Variants in PDCD7 observed in about 807,000 individuals in gnomAD.
PDCD7 encodes the protein programmed cell death protein 7.
In PDCD7, 40 loss-of-function variants were observed where a neutral mutation model predicts 42.1. That is an observed-to-expected ratio of 0.95 (90% confidence interval 0.74 to 1.24). PDCD7 has a LOEUF of 1.24. Ranked by LOEUF, PDCD7 falls within the 50% of genes most tolerant of loss-of-function variation. The pLI is 0.00. For missense variants in PDCD7, 644 were observed against 662.8 expected (o/e 0.97, Z 0.31); for synonymous variants, 299 against 303.3 (o/e 0.99, Z 0.15).
At chr15:65,132,835 T>C (rs752613445) in intron 1 of PDCD7, 77 bp downstream of exon 1, 81 of 1,577,210 alleles carry the variant, frequency 5.1e-5, no homozygotes, top group Non-Finnish European at 2.3e-5. Context: ...CCCTGGGAAA[T>C]GGAAGTTTAA....
rs1193424367 is a variant in PDCD7 at position 65,119,774 on chromosome 15, T to G, written c.1190A>C (p.Lys397Thr). ...RELEKKQRKE[K>T]EKILLQKREI... ...ACGTTTCTGAAGTAAAATTTTCTCT[T>G]TTTCTTTTCTTTGTTTCTTTTCTAA... Residue 397 changes from lysine (K) to threonine (T), a missense_variant, in exon 3 of 5, where the codon AAA becomes ACA. Transcript: ENST00000204549. 1.2e-6 allele frequency: 2 copies of G among 1,612,184 alleles called. No homozygotes were observed. The highest frequency in any genetic ancestry group is 1.3e-5 in the African/African-American group (1 of 74,654).
intron 2 of PDCD7, among the ~76,000 whole-genome samples, chr15:65,125,532 C>T (rs887783118): frequency 6.6e-6 from 1 of 152,204 alleles, no homozygotes; most frequent in Non-Finnish European, 1.5e-5. Context: ...CACTGAAATG[C>T]CCCTAGCATA....
intron 1 of PDCD7, among the ~76,000 whole-genome samples, chr15:65,130,966 A>G (rs983113731): frequency 5.3e-5 from 8 of 151,992 alleles, no homozygotes; most frequent in African/African-American, 1.9e-4. Flanking sequence ...AACACACACC[A>G]CGCTATACTG....
At position 65,132,769 on chromosome 15, in the gene PDCD7, G is replaced by C. The variant is rs193199407; in HGVS notation, c.870+143C>G. 9.9e-4 allele frequency: 1,209 copies of C among 1,219,316 alleles called. 6 individuals are homozygous for C. Among genetic ancestry groups the C allele is most frequent in the South Asian group, 3.4e-3 (221 of 65,822 alleles). The allele number at this position is 1,219,316 out of a possible 1,614,324, so 75.5% of individuals were successfully genotyped here. ...TCATTAACACAAAATTAACATGGTG[G>C]TATGAGCTGGGAAGGTTAGCTATCG... On this transcript the variant is annotated intron_variant, in intron 1 of 4. Transcript: ENST00000204549.
chr15:65,133,272 G>A lies in PDCD7; in HGVS notation c.510C>T (p.Ser170=), dbSNP rs1381953313. 1 of 1,328,146 alleles carries A rather than the reference G, an allele frequency of 7.5e-7. No individual in the cohort carries two copies. The highest frequency in any genetic ancestry group is 1.5e-5 in the African/African-American group (1 of 64,966). 82.3% of individuals were successfully genotyped at this position (1,328,146 alleles called of 1,614,324 possible). The change falls in exon 1 of 5, where the codon AGC becomes AGT. Residue 170 remains serine, a synonymous_variant. Transcript: ENST00000204549. ...GCAATCGCGCGCGCACTTCGCCAAG[G>A]CTGGGCCCGGCATGCGTGCGCTGGG... is the stretch of plus-strand genomic sequence containing the variant. ...PVPQRTHAGP[S]LGEVRARLLR...
Position 65,119,513 on chromosome 15 carries a change from G to A in PDCD7, c.1247-50C>T, listed in dbSNP as rs1166706703. 2.9e-6 allele frequency: 4 copies of A among 1,398,290 alleles called. No individual in the cohort carries two copies. The South Asian group carries it at 4.6e-5, about 16-fold the overall frequency. 86.6% of individuals were successfully genotyped at this position (1,398,290 alleles called of 1,614,324 possible). ...CGTTATCATGCTTGATATCCACAGT[G>A]TATTTCTCAAGGCAAGGTGACTGAG... On this transcript the variant is annotated intron_variant, in intron 3 of 4. Coordinates refer to ENST00000204549, the MANE Select transcript of PDCD7 (RefSeq NM_005707.2).
In PDCD7 at chr15:65,123,477, T is replaced by C. The variant is rs570202017; in HGVS notation, c.1010-3523A>G. Among the ~76,000 whole-genome samples the C allele has an allele frequency of 4.2e-4, 64 of 152,338 alleles. 1 individual carries two copies. Among genetic ancestry groups the C allele is most frequent in the Admixed American group, 1.2e-3 (19 of 15,298 alleles). On this transcript the variant is annotated intron_variant, in intron 2 of 4. Coordinates refer to ENST00000204549, the MANE Select transcript of PDCD7 (RefSeq NM_005707.2). ...CTGGGATTACAGGCATGAGCCACCA[T>C]GCCCGGCCCTTCAACAGGGTTTTAA...
At chr15:65,121,311 C>T (rs982340943) in intron 2 of PDCD7, among the ~76,000 whole-genome samples, 1 of 152,122 alleles carries the variant, frequency 6.6e-6, no homozygotes, top group Non-Finnish European at 1.5e-5. Flanking sequence ...CCTTGGCCTC[C>T]CAAAGTGCTG....
chr15:65,123,747 T>G (rs942277304), intron 2 of PDCD7, among the ~76,000 whole-genome samples: 3 of 152,170 alleles, frequency 2.0e-5, no homozygotes, highest in African/African-American at 7.2e-5. Context: ...TTCTACAGGT[T>G]TCCATTCACT....
rs933929893 is a variant in PDCD7 at position 65,133,423 on chromosome 15, G to A, written c.359C>T (p.Pro120Leu). Residue 120 changes from proline (P) to leucine (L), a missense_variant, in exon 1 of 5, where the codon CCG becomes CTG. Physicochemically the swap from Pro to Leu is moderately conservative, Grantham distance 98. Coordinates refer to ENST00000204549, the MANE Select transcript of PDCD7 (RefSeq NM_005707.2). Reference protein sequence around the residue: ...PPPGPGPPWSPRWPEAPPPPA... With the variant: ...PPPGPGPPWSLRWPEAPPPPA... ...CGGCGGCGGCGCCTCAGGCCACCGC[G>A]GGCTCCAGGGCGGCCCCGGGCCGGG... 7 of 1,182,334 alleles carry A rather than the reference G, an allele frequency of 5.9e-6. No homozygotes were observed. In the African/African-American group the frequency reaches 1.1e-4, roughly 19 times the overall value. 73.2% of individuals were successfully genotyped at this position (1,182,334 alleles called of 1,614,324 possible). A position where few individuals can be genotyped will look rare whatever the true frequency, so the allele number is the denominator to read the frequency against.
At chr15:65,132,346 C>A (rs543296121) in intron 1 of PDCD7, among the ~76,000 whole-genome samples, 1 of 149,832 alleles carries the variant, frequency 6.7e-6, no homozygotes, top group African/African-American at 2.5e-5. Flanking sequence ...TGCAGTGGTG[C>A]GATCTCGGCT....
chr15:65,122,084 T>G (rs1251836633), intron 2 of PDCD7, among the ~76,000 whole-genome samples: 1 of 152,116 alleles, frequency 6.6e-6, no homozygotes, highest in African/African-American at 2.4e-5. Flanking sequence ...CCTGTAAACC[T>G]AGCACTTTGG....
At chr15:65,121,355 G>A (rs1595926738) in intron 2 of PDCD7, among the ~76,000 whole-genome samples, 1 of 152,080 alleles carries the variant, frequency 6.6e-6, no homozygotes, top group Non-Finnish European at 1.5e-5. Context: ...ACCTGGCTTC[G>A]ACTTTGTTTA....
rs762428530 is a variant in PDCD7, at chr15:65,118,767, G to T, written c.1408C>A (p.Pro470Thr). ...GNFVPQGWVL[P>T]PLPSNDIWAT... is the part of the protein sequence containing the mutation. ...CAGATGTCGTTGCTGGGGAGCGGGGGAAGGACCCATCCTTGGGGAACGAAG... is the reference window on the plus strand; with the variant it reads ...CAGATGTCGTTGCTGGGGAGCGGGGTAAGGACCCATCCTTGGGGAACGAAG... The change falls in exon 5 of 5, where the codon CCC becomes ACC. Residue 470 changes from proline to threonine, a missense_variant. Physicochemically the swap from Pro to Thr is conservative, Grantham distance 38. Transcript: ENST00000204549. The T allele has an allele frequency of 1.9e-6, 3 of 1,610,274 alleles. No individual in the cohort carries two copies. In the South Asian group the frequency reaches 3.3e-5, roughly 18 times the overall value.
At chr15:65,131,909 A>G (rs1375092342) in intron 1 of PDCD7, among the ~76,000 whole-genome samples, 1 of 152,016 alleles carries the variant, frequency 6.6e-6, no homozygotes. Flanking sequence ...ACTGTTGGCA[A>G]GTTAACCTCT....
intron 2 of PDCD7, among the ~76,000 whole-genome samples, chr15:65,126,471 C>T (rs1361087078): frequency 1.3e-5 from 2 of 152,074 alleles, no homozygotes; most frequent in South Asian, 2.1e-4. Context: ...AGAATGGTAT[C>T]GGCCAGGCAC....
rs761289545 is a variant in PDCD7, at chr15:65,133,033, C to A, written c.749G>T (p.Arg250Leu). The change falls in exon 1 of 5, where the codon CGC (arginine) becomes CTC (leucine). Residue 250 changes from arginine (R) to leucine (L), a missense_variant. Arg to Leu is a moderately radical substitution (Grantham distance 102). Transcript: ENST00000204549. ...GGCCTCGCGTTCCCGGGCCCTCTCG[C>A]GAAGCCGCAGCCGGCGGCGCCGGAC... The part of the protein sequence containing the change: ...ERVRRRRLRL[R>L]ERAREREAER... 3.1e-6 allele frequency: 5 copies of A among 1,596,448 alleles called. No homozygotes were observed. The African/African-American group carries it at 6.7e-5, about 21-fold the overall frequency.
At chr15:65,132,768 G>A in intron 1 of PDCD7, 144 bp downstream of exon 1, 2 of 1,206,790 alleles carry the variant, frequency 1.7e-6, no homozygotes, top group Non-Finnish European at 2.3e-6. Flanking sequence ...TTAACATGGT[G>A]GTATGAGCTG....
intron 4 of PDCD7, 150 bp from the exon 5 acceptor site, chr15:65,118,990 T>C (rs913462320): frequency 2.1e-5 from 11 of 536,184 alleles, no homozygotes; most frequent in Admixed American, 1.2e-4. Flanking sequence ...AAAATGACTA[T>C]ATTTCTTAAA....
Sources: gnomAD v4.1 joint callset for allele counts (sites outside exome capture counted in the v4.1 genomes callset) on GRCh38, gnomAD v4.1.1 for gene constraint, MANE v1.5 for transcripts, NCBI Gene and HGNC (gene_info 2026-07-23, HGNC 2026-07-21) for gene names.